The following FAT3 variants were observed in gnomAD, a reference collection of about 807,000 sequenced individuals.
FAT3 encodes protocadherin Fat 3.
In FAT3, 95 loss-of-function variants were observed where a neutral mutation model predicts 310.2. The observed-to-expected ratio is 0.31, with a 90% confidence interval of 0.26 to 0.36. The LOEUF is 0.36. Ranked by LOEUF, FAT3 falls within the 10% of genes least tolerant of loss-of-function variation. The pLI is 1.00. For missense variants in FAT3, 5,408 were observed against 5,715.6 expected, an observed-to-expected ratio of 0.95 and a Z score of 1.74; for synonymous variants, 2,314 against 2,192.9, an observed-to-expected ratio of 1.06 and a Z score of -1.54.
At chr11:92,324,767 C>A (rs1036426616) in intron 1 of FAT3, among the ~76,000 whole-genome samples, 6 of 152,198 alleles carry the variant, frequency 3.9e-5, no homozygotes, top group Non-Finnish European at 8.8e-5. Context: ...CTGCAGTGTG[C>A]AATACAGTGA....
intron 2 of FAT3, among the ~76,000 whole-genome samples, chr11:92,409,789 G>A (rs952080488): frequency 2.0e-5 from 3 of 152,108 alleles, no homozygotes; most frequent in Admixed American, 6.5e-5. Context: ...GTTGTTTCTT[G>A]TTGTTCCTAG....
In FAT3 at chr11:92,883,363, C is replaced by T. The variant is rs1208282052; in HGVS notation, c.12907C>T (p.Arg4303Trp). 2.5e-6 allele frequency: 4 copies of T among 1,606,118 alleles called. No homozygotes were observed. The African/African-American group carries it at 5.3e-5, about 21-fold the overall frequency. The change falls in exon 24 of 28, where the codon CGG (arginine) becomes TGG (tryptophan). Residue 4303 changes from arginine to tryptophan, a missense_variant. Transcript: ENST00000525166. This position sits in a 1 kb window ranked among gnomAD's most constrained non-coding sequence, Gnocchi z 4.2. The part of the protein sequence containing the change: ...SPCRSDCDSI[R>W]KNGWDAGTEN... ...CTGCCGCTCCGACTGCGACTCCATC[C>T]GGAAGAATGGCTGGGACGCGGGAAC...
At position 92,817,370 on chromosome 11, in the gene FAT3, T is replaced by G. The variant is rs1000996488; in HGVS notation, c.9481+7294T>G. On this transcript the variant is annotated intron_variant, in intron 13 of 27. Transcript: ENST00000525166. ...TCTGAGTCTTCCAGAATACTGCCTT[T>G]CCCCTAAAGTTAATAGTTTGATCCT... is the stretch of plus-strand genomic sequence containing the variant. Among the ~76,000 whole-genome samples, 3 of 152,196 alleles carry G rather than the reference T, an allele frequency of 2.0e-5. No homozygotes were observed. The South Asian group carries it at 6.2e-4, about 32-fold the overall frequency.
In FAT3 at chr11:92,354,526, A is replaced by T. The variant is rs1307299081; in HGVS notation, c.2414A>T (p.Asp805Val). Reference protein sequence around the residue: ...DLYLLNITIYDLGNPQKSSWR... With the variant: ...DLYLLNITIYVLGNPQKSSWR... Reference sequence around the variant, plus strand: ...TATCTCCTTAATATCACCATCTATGACTTAGGTAATCCACAGAAATCGTCA... The same window carrying T: ...TATCTCCTTAATATCACCATCTATGTCTTAGGTAATCCACAGAAATCGTCA... The change falls in exon 2 of 28, where the codon GAC (aspartate) becomes GTC (valine). Residue 805 changes from aspartate (D) to valine (V), a missense_variant. Transcript: ENST00000525166. 1 of 1,613,726 alleles carries T rather than the reference A, an allele frequency of 6.2e-7. No individual in the cohort carries two copies. The highest frequency in any genetic ancestry group is 1.7e-5 in the Admixed American group (1 of 59,922).
chr11:92,525,219 G>A (rs1225710140), intron 3 of FAT3, among the ~76,000 whole-genome samples: 1 of 152,094 alleles, frequency 6.6e-6, no homozygotes, highest in East Asian at 1.9e-4. Flanking sequence ...TGGTTCCCAG[G>A]CCACTCAGAG....
chr11:92,463,515 A>C (rs2135118701), intron 2 of FAT3, among the ~76,000 whole-genome samples: 1 of 152,302 alleles, frequency 6.6e-6, no homozygotes, highest in South Asian at 2.1e-4. Flanking sequence ...TTCTGTGAAA[A>C]TAAATGAAAT....
chr11:92,308,684 A>G (rs1947204831), intron 1 of FAT3, among the ~76,000 whole-genome samples: 1 of 152,116 alleles, frequency 6.6e-6, no homozygotes, highest in African/African-American at 2.4e-5. Flanking sequence ...TGGTCATCAA[A>G]TATCTGAGGA....
At chr11:92,857,156 T>G in intron 19 of FAT3, 58 bp from the exon 20 acceptor site, 8 of 1,612,574 alleles carry the variant, frequency 5.0e-6, no homozygotes, top group Non-Finnish European at 6.8e-6. Flanking sequence ...CTATCTTCCC[T>G]GGAGTGCAGG....
At chr11:92,772,082 C>A (rs1293797237) in intron 6 of FAT3, among the ~76,000 whole-genome samples, 1 of 152,134 alleles carries the variant, frequency 6.6e-6, no homozygotes, top group South Asian at 2.1e-4. Context: ...TTGACTCACA[C>A]ATTTTCACAT....
chr11:92,792,628 T>G (rs1947066747), intron 8 of FAT3, 139 bp from the exon 9 acceptor site: 1 of 724,736 alleles, frequency 1.4e-6, no homozygotes, highest in Non-Finnish European at 2.3e-6. Context: ...TACCATTTAC[T>G]GAGCACCTAC....
At chr11:92,499,055 T>G (rs1952850446) in intron 2 of FAT3, 1 of 152,082 alleles carries the variant, frequency 6.6e-6, no homozygotes, top group Non-Finnish European at 1.5e-5. Flanking sequence ...TTGTTATGTG[T>G]TATTTTGGTA....
At chr11:92,742,688 G>A (rs7925019) in intron 4 of FAT3, among the ~76,000 whole-genome samples, 5,931 of 152,272 alleles carry the variant, frequency 0.039, 417 homozygotes, top group African/African-American at 0.13. Flanking sequence ...ACCATGGAAT[G>A]ATGCAGCAAG....
chr11:92,609,438 G>A lies in FAT3; in HGVS notation c.3607+84490G>A, dbSNP rs139047906. Among the ~76,000 whole-genome samples the A allele has an allele frequency of 8.5e-5, 13 of 152,218 alleles. No homozygotes were observed. The East Asian group carries it at 2.5e-3, about 29-fold the overall frequency. On this transcript the variant is annotated intron_variant, in intron 3 of 27. Transcript: ENST00000525166. ...TATTTGATGTAATGCACATTAGTTTGCATGTTAGCCTATGTTTTAAATGTG... is the reference window on the plus strand; with the variant it reads ...TATTTGATGTAATGCACATTAGTTTACATGTTAGCCTATGTTTTAAATGTG...
At chr11:92,455,866 T>C (rs1369642067) in intron 2 of FAT3, among the ~76,000 whole-genome samples, 1 of 152,202 alleles carries the variant, frequency 6.6e-6, no homozygotes, top group Non-Finnish European at 1.5e-5. Flanking sequence ...AAATATGTAT[T>C]GATGCCTAAC....
rs1446223178 is a variant in FAT3, at chr11:92,333,451, C to A, written c.-17-18645C>A. 2.0e-5 allele frequency among the ~76,000 whole-genome samples: 3 copies of A among 152,192 alleles called. No individual in the cohort carries two copies. The East Asian group carries it at 5.8e-4, about 29-fold the overall frequency. ...AGTAAAGCAGCAGCTGGCCCCGGGA[C>A]CTGGGACCAAGAGGGAGGTTTAGTA... On this transcript the variant is annotated intron_variant, in intron 1 of 27. Coordinates refer to ENST00000525166, the MANE Select transcript of FAT3 (RefSeq NM_001367949.2).
intron 2 of FAT3, among the ~76,000 whole-genome samples, chr11:92,445,037 A>G (rs1951177379): frequency 6.6e-6 from 1 of 152,182 alleles, no homozygotes; most frequent in African/African-American, 2.4e-5. Context: ...GTGCTCAGGC[A>G]CAGGATATGA....
intron 1 of FAT3, among the ~76,000 whole-genome samples, chr11:92,293,218 G>A (rs146829425): frequency 1.5e-3 from 225 of 151,634 alleles, no homozygotes; most frequent in African/African-American, 4.9e-3. Context: ...GGAGCTAGAA[G>A]GCAGAAATGA....
intron 3 of FAT3, among the ~76,000 whole-genome samples, chr11:92,687,124 AAAAAT>A (rs1379987419): frequency 6.6e-6 from 1 of 152,210 alleles, no homozygotes; most frequent in African/African-American, 2.4e-5. Flanking sequence ...GGTTTTTAAT[AAAAAT>A]AAAATATAAT....
chr11:92,241,100 C>T (rs1864654966), intron 1 of FAT3, among the ~76,000 whole-genome samples: 2 of 152,100 alleles, frequency 1.3e-5, no homozygotes, highest in African/African-American at 2.4e-5. Context: ...TCAAGGAGGT[C>T]ATCCCTTTAG....
Sources: allele counts gnomAD v4.1 joint callset (sites outside exome capture counted in the v4.1 genomes callset), GRCh38; gene constraint gnomAD v4.1.1; non-coding constraint Gnocchi (gnomAD v3.1); transcripts MANE v1.5; gene names NCBI Gene and HGNC (gene_info 2026-07-23, HGNC 2026-07-21).